The following ASMT variants were observed in gnomAD, a reference collection of about 807,000 sequenced individuals.
The protein encoded by ASMT is acetylserotonin O-methyltransferase, also known as acetylserotonin N-methyltransferase.
Under a neutral mutation model 41.3 loss-of-function variants are expected in ASMT, and 53 were observed. That is an observed-to-expected ratio of 1.28 (90% CI 1.03 to 1.61). The LOEUF (loss-of-function observed/expected upper bound fraction) is 1.61, where lower values mean the gene tolerates loss of function less well. Among genes scored for constraint, ASMT ranks in the 40% most tolerant of loss-of-function variants. The probability of loss-of-function intolerance (pLI) is 0.00; values close to 1 mark genes in which losing one functional copy is unlikely to be tolerated. For missense variants in ASMT, 531 were observed against 441.3 expected (o/e 1.20, Z -1.82); for synonymous variants, 231 against 184.8 (o/e 1.25, Z -2.03).
intron 7 of ASMT, among the ~76,000 whole-genome samples, chrX:1,636,078 C>G (rs758236616): frequency 6.6e-6 from 1 of 151,006 alleles, no homozygotes; most frequent in South Asian, 2.1e-4. Context: ...GCCTCAGCCT[C>G]CCGAGTAGCT....
chrX:1,636,919 G>A (rs5949029), intron 8 of ASMT, among the ~76,000 whole-genome samples: 23,213 of 116,842 alleles, frequency 0.2, 2,501 homozygotes, highest in East Asian at 0.6. Flanking sequence ...GCCTCTGTGT[G>A]TGATGGGGAC....
chrX:1,617,936 G>C (rs773232740), intron 1 of ASMT, among the ~76,000 whole-genome samples: 221 of 152,228 alleles, frequency 1.5e-3, no homozygotes, highest in African/African-American at 5.1e-3. Context: ...CACATCTTAG[G>C]AAGAGGTAGT....
At chrX:1,635,861 T>TCAAA (rs765118375) in intron 7 of ASMT, among the ~76,000 whole-genome samples, 6 of 150,406 alleles carry the variant, frequency 4.0e-5, no homozygotes, top group African/African-American at 7.3e-5. Context: ...AAACTCCATC[T>TCAAA]CAAACAAACA....
chrX:1,630,472 ATTTTTGTAT>A (rs1485267151), intron 5 of ASMT, among the ~76,000 whole-genome samples: 1 of 151,834 alleles, frequency 6.6e-6, no homozygotes, highest in Non-Finnish European at 1.5e-5. Context: ...TGTCAGGCTA[ATTTTTGTAT>A]TTTTTAATAG....
At chrX:1,628,846 T>C (rs1934659191) in intron 4 of ASMT, among the ~76,000 whole-genome samples, 1 of 151,062 alleles carries the variant, frequency 6.6e-6, no homozygotes, top group Non-Finnish European at 1.5e-5. Context: ...TCTCATCTTC[T>C]CTGTTTTCAT....
intron 4 of ASMT, among the ~76,000 whole-genome samples, chrX:1,628,938 CTCTCTT>C (rs1934664739): frequency 7.9e-6 from 1 of 126,506 alleles, no homozygotes; most frequent in Non-Finnish European, 1.7e-5. Context: ...TTCTTTCTCT[CTCTCTT>C]TCTTTCTTTC....
At chrX:1,624,135 G>A in intron 2 of ASMT, 134 bp from the exon 3 acceptor site, 1 of 1,257,038 alleles carries the variant, frequency 8.0e-7, no homozygotes, top group Non-Finnish European at 1.2e-6. Flanking sequence ...CAAGGCAAGA[G>A]GAAGACCCCA....
chrX:1,623,319 G>T lies in ASMT; in HGVS notation c.244+6G>T. 1 of 1,613,938 alleles carries T rather than the reference G, an allele frequency of 6.2e-7. No individual in the cohort carries two copies. Among genetic ancestry groups the T allele is most frequent in the Non-Finnish European group, 8.5e-7 (1 of 1,179,866 alleles). On this transcript the variant is annotated splice_donor_region_variant and intron_variant, in intron 2 of 8. Transcript: ENST00000381241. The stretch of plus-strand genomic sequence containing the variant: ...GGAGACGAGGGGAGGAAAAGGTGAG[G>T]ACACGGGCGTTTTGAAGGAGGCATT...
chrX:1,635,961 TTC>T (rs1272803265), intron 7 of ASMT, among the ~76,000 whole-genome samples: 4 of 149,786 alleles, frequency 2.7e-5, no homozygotes, highest in Admixed American at 1.3e-4. Context: ...AGTATTTTCT[TTC>T]TTTTTTTTTT....
At chrX:1,618,169 A>G (rs1244972028) in intron 1 of ASMT, among the ~76,000 whole-genome samples, 18 of 151,074 alleles carry the variant, frequency 1.2e-4, no homozygotes, top group Admixed American at 3.3e-4. Context: ...TTTTATTTTT[A>G]TTTATTTTTC....
chrX:1,623,107 C>G (rs1569372152), intron 1 of ASMT, 32 bp from the exon 2 acceptor site: 3 of 1,611,510 alleles, frequency 1.9e-6, no homozygotes, highest in Admixed American at 1.7e-5. Context: ...GGAGGCTGAG[C>G]CCTGACCTTT....
chrX:1,636,742 A>G (rs1934980881), intron 8 of ASMT, 182 bp downstream of exon 8: 1 of 393,208 alleles, frequency 2.5e-6, no homozygotes, highest in South Asian at 1.0e-4. Context: ...TTCTATTGAT[A>G]AAACCACATA....
chrX:1,643,040 G>A lies in ASMT; in HGVS notation c.*26G>A, dbSNP rs777787672. On this transcript the variant is annotated 3_prime_UTR_variant, in exon 9 of 9. Coordinates refer to ENST00000381241, the MANE Select transcript of ASMT (RefSeq NM_001171038.2). ...CTGTTTCTTGTGACCTGGAACTAACGTCAAAGCACACAAGACATAATAATA... is the reference window on the plus strand; with the variant it reads ...CTGTTTCTTGTGACCTGGAACTAACATCAAAGCACACAAGACATAATAATA... 5.6e-5 allele frequency: 90 copies of A among 1,607,466 alleles called. No homozygotes were observed. The highest frequency in any genetic ancestry group is 5.0e-4 in the Middle Eastern group (3 of 6,048).
At chrX:1,642,425 C>A (rs1935223040) in intron 8 of ASMT, among the ~76,000 whole-genome samples, 1 of 151,000 alleles carries the variant, frequency 6.6e-6, no homozygotes, top group Non-Finnish European at 1.5e-5. Context: ...TGGGCTCAGC[C>A]TCTGTGTGTA....
At chrX:1,631,892 A>G (rs1432530717) in intron 5 of ASMT, among the ~76,000 whole-genome samples, 1 of 152,094 alleles carries the variant, frequency 6.6e-6, no homozygotes, top group African/African-American at 2.4e-5. Context: ...TACTAAAAAT[A>G]CAAAAACTTA....
intron 7 of ASMT, among the ~76,000 whole-genome samples, chrX:1,633,642 A>ATTTT (rs35471677): frequency 0.22 from 29,341 of 131,112 alleles, 3,598 homozygotes; most frequent in South Asian, 0.29. Flanking sequence ...CATCCAGCTA[A>ATTTT]TTTTTTTTTT....
intron 1 of ASMT, among the ~76,000 whole-genome samples, chrX:1,615,622 G>A (rs1251830481): frequency 1.1e-4 from 17 of 151,994 alleles, no homozygotes; most frequent in Non-Finnish European, 2.1e-4. Context: ...GACCCACACA[G>A]AGAAACCCCA....
chrX:1,621,082 C>T (rs766057951), intron 1 of ASMT, among the ~76,000 whole-genome samples: 7 of 152,010 alleles, frequency 4.6e-5, no homozygotes, highest in South Asian at 2.1e-4. Context: ...GGTGACAGAG[C>T]GAGACTCCGT....
intron 1 of ASMT, among the ~76,000 whole-genome samples, chrX:1,621,493 C>T (rs1426480367): frequency 2.6e-5 from 4 of 151,450 alleles, no homozygotes; most frequent in Non-Finnish European, 5.9e-5. Context: ...AATTTTTATA[C>T]TTTTAGTAGA....
Sources: gnomAD v4.1 joint callset for allele counts (sites outside exome capture counted in the v4.1 genomes callset) on GRCh38, gnomAD v4.1.1 for gene constraint, MANE v1.5 for transcripts, NCBI Gene and HGNC (gene_info 2026-07-23, HGNC 2026-07-21) for gene names.